UNC80: variants seen among roughly 807,000 people sequenced by gnomAD.
UNC80 encodes protein unc-80 homolog.
UNC80 carries 164 observed loss-of-function variants against 384.6 expected under a neutral mutation model. The observed-to-expected ratio is 0.43, with a 90% confidence interval of 0.38 to 0.49. The LOEUF (loss-of-function observed/expected upper bound fraction) is 0.49. Ranked by LOEUF, UNC80 falls within the 20% of genes least tolerant of loss-of-function variation. The pLI is 0.00. For missense variants in UNC80, 3,330 were observed against 4,143.0 expected, an observed-to-expected ratio of 0.80 and a Z score of 5.39; for synonymous variants, 1,486 against 1,527.8, an observed-to-expected ratio of 0.97 and a Z score of 0.64.
At chr2:209,874,997 C>T (rs543356600) in intron 23 of UNC80, among the ~76,000 whole-genome samples, 3 of 152,164 alleles carry the variant, frequency 2.0e-5, no homozygotes, top group Non-Finnish European at 4.4e-5. Flanking sequence ...GTCACTGAAG[C>T]CCCTTAGGCC....
chr2:209,785,816 C>A (rs1256015789), intron 4 of UNC80, among the ~76,000 whole-genome samples: 1 of 152,132 alleles, frequency 6.6e-6, no homozygotes, highest in East Asian at 1.9e-4. Flanking sequence ...ATGCTTTGCC[C>A]AAAGCTATGT....
chr2:209,921,789 C>G, intron 34 of UNC80, 103 bp downstream of exon 34: 1 of 1,259,548 alleles, frequency 7.9e-7, no homozygotes, highest in Non-Finnish European at 1.1e-6. Flanking sequence ...TGATATGCCC[C>G]CTTCCATCTC....
intron 7 of UNC80, chr2:209,796,455 T>A (rs4673487): frequency 0.28 from 42,743 of 152,034 alleles, 6,411 homozygotes; most frequent in Non-Finnish European, 0.33. Flanking sequence ...AAGGCATGGT[T>A]GGTTTTGAAA....
chr2:209,967,334 G>A (rs752612376), intron 51 of UNC80, 103 bp from the exon 52 acceptor site: 71 of 747,832 alleles, frequency 9.5e-5, no homozygotes, highest in Non-Finnish European at 1.2e-4. Context: ...CAGGGAGTTG[G>A]TGGTCTGGAA....
intron 2 of UNC80, 57 bp downstream of exon 2, chr2:209,773,199 C>A: frequency 6.9e-7 from 1 of 1,455,664 alleles, no homozygotes; most frequent in Non-Finnish European, 9.6e-7. Flanking sequence ...TGGTTTGAAC[C>A]CAAAGACAGA....
At chr2:209,971,423 C>T in intron 54 of UNC80, among the ~76,000 whole-genome samples, 1 of 149,132 alleles carries the variant, frequency 6.7e-6, no homozygotes. Flanking sequence ...AAGTTCTCCC[C>T]CTTTATTTAT....
At chr2:209,810,770 C>A (rs1419846946) in intron 7 of UNC80, among the ~76,000 whole-genome samples, 1 of 152,164 alleles carries the variant, frequency 6.6e-6, no homozygotes, top group African/African-American at 2.4e-5. Flanking sequence ...TTTGGTCGAA[C>A]TAATAATAAC....
In UNC80 at chr2:209,813,718, G is replaced by A. The variant is rs895375501; in HGVS notation, c.1077G>A (p.Leu359=). ...QWSLMYYLQR[L]RHMLEEKPEK... Reference sequence around the variant, plus strand: ...CTCTGATGTACTATCTACAAAGGCTGCGACACATGTTGGAAGAGAAGCCAG... The same window carrying A: ...CTCTGATGTACTATCTACAAAGGCTACGACACATGTTGGAAGAGAAGCCAG... Residue 359 remains leucine, a synonymous_variant, in exon 8 of 65, where the codon CTG becomes CTA. Transcript: ENST00000673920. 24 of 1,551,642 alleles carry A rather than the reference G, an allele frequency of 1.5e-5. No individual in the cohort carries two copies. The highest frequency in any genetic ancestry group is 2.1e-5 in the Non-Finnish European group (24 of 1,147,022).
At chr2:209,791,141 A>G (rs1406049598) in intron 6 of UNC80, among the ~76,000 whole-genome samples, 1 of 152,184 alleles carries the variant, frequency 6.6e-6, no homozygotes, top group Non-Finnish European at 1.5e-5. Context: ...CCTCATGACT[A>G]AATTGCAGCT....
At chr2:209,881,130 T>G (rs2085249152) in intron 25 of UNC80, 36 bp downstream of exon 25, 4 of 1,550,312 alleles carry the variant, frequency 2.6e-6, no homozygotes, top group Non-Finnish European at 3.5e-6. Context: ...ATCAGGTTAC[T>G]CGGAGAGGCC....
chr2:209,895,576 A>C (rs2086727336), intron 27 of UNC80, among the ~76,000 whole-genome samples: 1 of 152,172 alleles, frequency 6.6e-6, no homozygotes, highest in Non-Finnish European at 1.5e-5. Context: ...GGGAAAAATT[A>C]TTGCAATTAA....
chr2:209,786,952 A>G (rs1409088403), intron 5 of UNC80, among the ~76,000 whole-genome samples: 1 of 147,960 alleles, frequency 6.8e-6, no homozygotes, highest in East Asian at 2.0e-4. Context: ...TTTAAAAAGA[A>G]ATAAATTATG....
chr2:209,991,424 A>G (rs969995361), intron 61 of UNC80, among the ~76,000 whole-genome samples: 2 of 152,246 alleles, frequency 1.3e-5, no homozygotes, highest in East Asian at 3.9e-4. Context: ...AATAGCAACT[A>G]TTTCCAGTCA....
At chr2:209,936,362 A>G (rs1387929690) in intron 40 of UNC80, among the ~76,000 whole-genome samples, 1 of 152,216 alleles carries the variant, frequency 6.6e-6, no homozygotes, top group South Asian at 2.1e-4. Flanking sequence ...AGGTTATACA[A>G]GTTATCTATG....
Position 209,842,364 on chromosome 2 carries a change from T to C in UNC80, c.3372T>C (p.Ser1124=), listed in dbSNP as rs199664663. The C allele has an allele frequency of 6.4e-7, 1 of 1,550,762 alleles. No individual in the cohort carries two copies. The highest frequency in any genetic ancestry group is 1.4e-5 in the African/African-American group (1 of 73,006). ...TCTTTTTTCAGGTCAAATTCACTAG[T>C]GCTGTGAAGCTTTCTGAAGGTGGGC... ...IRQSSKVKFT[S]AVKLSEGGPG... The change falls in exon 21 of 65, where the codon AGT becomes AGC. Residue 1124 remains serine (S), a synonymous_variant. Transcript: ENST00000673920.
intron 59 of UNC80, among the ~76,000 whole-genome samples, chr2:209,980,015 C>T (rs1432063487): frequency 6.6e-6 from 1 of 152,190 alleles, no homozygotes; most frequent in African/African-American, 2.4e-5. Flanking sequence ...TTGCAGTTAG[C>T]TTCAGCATTG....
intron 7 of UNC80, among the ~76,000 whole-genome samples, chr2:209,806,884 G>C (rs1351320770): frequency 1.3e-5 from 2 of 152,182 alleles, no homozygotes. Context: ...AAGACTGACA[G>C]TTCTTTGCTT....
intron 15 of UNC80, 37 bp downstream of exon 15, chr2:209,829,416 T>A (rs1375309254): frequency 6.5e-7 from 1 of 1,549,396 alleles, no homozygotes; most frequent in Admixed American, 2.0e-5. Flanking sequence ...GGAGAAGTCG[T>A]TGTGAGGTGA....
intron 21 of UNC80, 112 bp from the exon 22 acceptor site, chr2:209,849,339 T>C: frequency 2.4e-6 from 3 of 1,229,050 alleles, no homozygotes; most frequent in Admixed American, 2.6e-5. Flanking sequence ...GGAGAAAGTT[T>C]TCTGGCCAAC....
Sources: gnomAD v4.1 joint callset for allele counts (sites outside exome capture counted in the v4.1 genomes callset) on GRCh38, gnomAD v4.1.1 for gene constraint, MANE v1.5 for transcripts, NCBI Gene and HGNC (gene_info 2026-07-23, HGNC 2026-07-21) for gene names.